ERMP1: variants seen among roughly 807,000 people sequenced by gnomAD.
ERMP1 encodes the protein endoplasmic reticulum metallopeptidase 1, also known as Felix-ina.
ERMP1 carries 86 observed loss-of-function variants against 92.0 expected under a neutral mutation model. The observed-to-expected ratio is 0.93, with a 90% CI of 0.79 to 1.12. The LOEUF is 1.12. Among genes scored for constraint, ERMP1 ranks in the 50% most tolerant of loss-of-function variants. ERMP1 has a pLI of 0.00. For synonymous variants in ERMP1, 530 were observed against 412.8 expected (o/e 1.28, Z -3.44); for missense variants, 1,342 against 1,116.3 (o/e 1.20, Z -2.88).
intron 6 of ERMP1, among the ~76,000 whole-genome samples, chr9:5,840,909 GCTTAGCCAAGTT>G (rs1830155492): frequency 6.6e-6 from 1 of 152,210 alleles, no homozygotes; most frequent in Non-Finnish European, 1.5e-5. Flanking sequence ...AATAGAAAAT[GCTTAGCCAAGTT>G]CTTTCATAGC....
intron 3 of ERMP1, among the ~76,000 whole-genome samples, chr9:5,824,801 C>T (rs1333684306): frequency 1.3e-5 from 2 of 152,190 alleles, no homozygotes; most frequent in Non-Finnish European, 2.9e-5. Flanking sequence ...ATCTCTGAAA[C>T]TTCAATGTCA....
At chr9:5,844,934 G>A (rs1212669261) in intron 6 of ERMP1, among the ~76,000 whole-genome samples, 1 of 152,156 alleles carries the variant, frequency 6.6e-6, no homozygotes, top group African/African-American at 2.4e-5. Context: ...TGTCAGCCTT[G>A]TGGTTTTCTT....
At chr9:5,789,012 G>C (rs542422082) in intron 13 of ERMP1, among the ~76,000 whole-genome samples, 6 of 152,246 alleles carry the variant, frequency 3.9e-5, no homozygotes, top group African/African-American at 9.6e-5. Context: ...AAAAAGGTTA[G>C]CGATAGTGGT....
chr9:5,841,911 G>A (rs1206250420), intron 6 of ERMP1, among the ~76,000 whole-genome samples: 1 of 152,138 alleles, frequency 6.6e-6, no homozygotes, highest in Non-Finnish European at 1.5e-5. Flanking sequence ...CTTCAGGAGT[G>A]AAACCACATA....
intron 13 of ERMP1, among the ~76,000 whole-genome samples, chr9:5,793,857 C>G (rs772525539): frequency 2.6e-5 from 4 of 151,880 alleles, no homozygotes; most frequent in Non-Finnish European, 5.9e-5. Context: ...ACTTCAACAC[C>G]CCTCCATCAC....
intron 2 of ERMP1, among the ~76,000 whole-genome samples, chr9:5,830,458 C>T (rs1829895870): frequency 6.6e-6 from 1 of 152,198 alleles, no homozygotes. Context: ...ATTGAGAAAG[C>T]TGCTTCAGTC....
At chr9:5,827,957 G>A (rs1004582294) in intron 2 of ERMP1, among the ~76,000 whole-genome samples, 1 of 152,044 alleles carries the variant, frequency 6.6e-6, no homozygotes, top group East Asian at 1.9e-4. Flanking sequence ...TAGCCTGGGC[G>A]ACAGAGTGAG....
Position 5,832,596 on chromosome 9 carries a change from G to A in ERMP1, c.338+94C>T, listed in dbSNP as rs573432739. 518 of 1,034,834 alleles carry A rather than the reference G, an allele frequency of 5.0e-4. 2 individuals carry two copies. Among genetic ancestry groups the A allele is most frequent in the Middle Eastern group, 1.3e-3 (4 of 3,050 alleles). The allele number at this position is 1,034,834 out of a possible 1,614,324, so 64.1% of individuals were successfully genotyped here. On this transcript the variant is annotated intron_variant, in intron 1 of 14. Coordinates refer to ENST00000339450, the MANE Select transcript of ERMP1 (RefSeq NM_024896.3). The stretch of plus-strand genomic sequence containing the variant: ...AGGGGTCAGCGAGTCCCAGCGGTCC[G>A]GCAGGGGCGGGTGCACACAGGTGCG...
intron 5 of ERMP1, among the ~76,000 whole-genome samples, chr9:5,860,134 C>CA (rs55876887): frequency 0.93 from 131,030 of 140,946 alleles, 61,120 homozygotes; most frequent in South Asian, 0.99. Flanking sequence ...TTGTCTCTAC[C>CA]AAAAAAAAAA....
upstream of ERMP1, among the ~76,000 whole-genome samples, chr9:5,837,881 T>A (rs1227835985): frequency 6.6e-6 from 1 of 152,154 alleles, no homozygotes; most frequent in African/African-American, 2.4e-5. Context: ...GGCAGGCAGA[T>A]AACTTGAGGC....
chr9:5,823,818 A>G, intron 4 of ERMP1, 78 bp downstream of exon 4: 1 of 928,580 alleles, frequency 1.1e-6, no homozygotes, highest in Non-Finnish European at 1.7e-6. Context: ...TATTGAAGAT[A>G]TTATTTATAA....
At chr9:5,802,972 G>C (rs1828727835) in intron 10 of ERMP1, among the ~76,000 whole-genome samples, 1 of 152,146 alleles carries the variant, frequency 6.6e-6, no homozygotes, top group Non-Finnish European at 1.5e-5. Flanking sequence ...GGCGGTGGTT[G>C]CAGGGAGCCG....
intron 6 of ERMP1, among the ~76,000 whole-genome samples, chr9:5,853,096 C>T (rs34422907): frequency 0.38 from 57,168 of 151,942 alleles, 11,123 homozygotes; most frequent in East Asian, 0.68. Flanking sequence ...AGGAAGTATA[C>T]AGGGAAAGTA....
rs1586830400 is a variant in ERMP1 at position 5,833,093 on chromosome 9, C to A, written c.-66G>T. 1 of 1,338,260 alleles carries A rather than the reference C, an allele frequency of 7.5e-7. No individual in the cohort carries two copies. Among genetic ancestry groups the A allele is most frequent in the Non-Finnish European group, 9.7e-7 (1 of 1,034,824 alleles). 82.9% of individuals were successfully genotyped at this position (1,338,260 alleles called of 1,614,324 possible). ...CGACAGCCCCGGCCGCCGCCGACGC[C>A]GCCGTCGCTGCCGCAGCGCCTCCTA... On this transcript the variant is annotated 5_prime_UTR_variant, in exon 1 of 15. Transcript: ENST00000339450.
intron 2 of ERMP1, among the ~76,000 whole-genome samples, chr9:5,827,709 A>G (rs1416118076): frequency 3.3e-5 from 5 of 152,090 alleles, no homozygotes. Flanking sequence ...ACAAAAAAAT[A>G]GCGAGGCTGA....
intron 6 of ERMP1, among the ~76,000 whole-genome samples, chr9:5,853,992 G>A (rs1830341567): frequency 6.6e-6 from 1 of 151,758 alleles, no homozygotes; most frequent in Non-Finnish European, 1.5e-5. Flanking sequence ...CATAAATGGG[G>A]GCTTCACAGA....
chr9:5,849,699 T>A lies in ERMP1; in HGVS notation n.3199+9769A>T, dbSNP rs573790691. 1.6e-4 allele frequency among the ~76,000 whole-genome samples: 24 copies of A among 152,368 alleles called. No homozygotes were observed. The South Asian group carries it at 3.1e-3, about 20-fold the overall frequency. Reference sequence around the variant, plus strand: ...AAAACCCATGCTGTTATAACAAGTTTATTTCAGAGCCACATGTGTTATTAA... The same window carrying A: ...AAAACCCATGCTGTTATAACAAGTTAATTTCAGAGCCACATGTGTTATTAA... On this transcript the variant is annotated intron_variant and non_coding_transcript_variant, in intron 6 of 6. Coordinates refer to the ERMP1 transcript ENST00000690753.
At chr9:5,835,188 T>TC (rs1187071994), upstream of ERMP1, among the ~76,000 whole-genome samples, 1 of 152,218 alleles carries the variant, frequency 6.6e-6, no homozygotes, top group African/African-American at 2.4e-5. Flanking sequence ...AGGCAGTTTT[T>TC]CTCTATACTT....
At chr9:5,813,791 T>C (rs931780994) in intron 4 of ERMP1, among the ~76,000 whole-genome samples, 1 of 151,006 alleles carries the variant, frequency 6.6e-6, no homozygotes. Flanking sequence ...CTGTATCTCA[T>C]ACATCTACAG....
Sources: allele counts gnomAD v4.1 joint callset (sites outside exome capture counted in the v4.1 genomes callset), GRCh38; gene constraint gnomAD v4.1.1; transcripts MANE v1.5; gene names NCBI Gene and HGNC (gene_info 2026-07-23, HGNC 2026-07-21).